PCCB: variants seen among roughly 807,000 people sequenced by gnomAD.
PCCB encodes propionyl-CoA carboxylase beta chain, mitochondrial.
PCCB carries 43 observed loss-of-function variants against 60.7 expected under a neutral mutation model. The observed-to-expected ratio is 0.71, with a 90% CI of 0.55 to 0.91. The LOEUF (loss-of-function observed/expected upper bound fraction) is 0.91. Among genes scored for constraint, PCCB ranks in the 40% least tolerant of loss-of-function variants. The pLI, the probability that PCCB is intolerant of heterozygous loss-of-function variation, is 0.00. For missense variants in PCCB, 766 were observed against 702.8 expected (o/e 1.09, Z -1.02); for synonymous variants, 276 against 255.9 (o/e 1.08, Z -0.75).
At position 136,330,080 on chromosome 3, in the gene PCCB, C is replaced by G; in HGVS notation, c.*54C>G. The stretch of plus-strand genomic sequence containing the variant: ...TGAATTACTGTCTGCCCATTCACAT[C>G]CCATTCCTGCCTTTTGCAATCATGA... On this transcript the variant is annotated 3_prime_UTR_variant, in exon 15 of 15. Transcript: ENST00000251654. The G allele has an allele frequency of 3.1e-6, 5 of 1,612,364 alleles. No homozygotes were observed. The highest frequency in any genetic ancestry group is 4.2e-6 in the Non-Finnish European group (5 of 1,179,058).
chr3:136,262,086 G>T, intron 5 of PCCB, 21 bp downstream of exon 5: 1 of 1,451,228 alleles, frequency 6.9e-7, no homozygotes, highest in Non-Finnish European at 9.5e-7. Flanking sequence ...TGTTAATAGA[G>T]AATAAAAAAA....
chr3:136,301,013 C>CT lies in PCCB; in HGVS notation c.885-11dup. 1.2e-6 allele frequency: 2 copies of CT among 1,610,602 alleles called. No individual in the cohort carries two copies. Among genetic ancestry groups the CT allele is most frequent in the East Asian group, 2.2e-5 (1 of 44,862 alleles). Reference sequence around the variant, plus strand: ...CTCTTCCTATGTTGACTATACCTGCCTTTTTTCTGCCTAAAGTGACCGTCT... The same window carrying CT: ...CTCTTCCTATGTTGACTATACCTGCCTTTTTTTCTGCCTAAAGTGACCGTCT... On this transcript the variant is annotated splice_polypyrimidine_tract_variant and intron_variant, in intron 8 of 14. Transcript: ENST00000251654.
chr3:136,275,446 T>C (rs1296425679), intron 5 of PCCB, among the ~76,000 whole-genome samples: 1 of 152,164 alleles, frequency 6.6e-6, no homozygotes, highest in Admixed American at 6.5e-5. Flanking sequence ...TATTTCGTTT[T>C]AGTTTGGATC....
intron 4 of PCCB, among the ~76,000 whole-genome samples, chr3:136,260,942 T>C (rs1433087999): frequency 1.3e-5 from 2 of 152,216 alleles, no homozygotes; most frequent in African/African-American, 4.8e-5. Flanking sequence ...CGTAAAAATA[T>C]CTGTGGCTTC....
At chr3:136,254,549 A>G in intron 1 of PCCB, among the ~76,000 whole-genome samples, 1 of 23,440 alleles carries the variant, frequency 4.3e-5, no homozygotes, top group Non-Finnish European at 8.3e-5. Context: ...TTTTTTTTTT[A>G]AAAGACAGGT....
At chr3:136,272,507 T>TA (rs1324371494) in intron 5 of PCCB, among the ~76,000 whole-genome samples, 2 of 152,166 alleles carry the variant, frequency 1.3e-5, no homozygotes, top group Admixed American at 1.3e-4. Context: ...TGTTGGCAGT[T>TA]TAAAATTACT....
At position 136,297,904 on chromosome 3, in the gene PCCB, G is replaced by A. The variant is rs1934007941; in HGVS notation, c.764-48G>A. 7 of 1,613,032 alleles carry A rather than the reference G, an allele frequency of 4.3e-6. 1 individual carries two copies. Among genetic ancestry groups the A allele is most frequent in the Middle Eastern group, 3.3e-4 (2 of 6,084 alleles). ...AGTCAGGCATGAAGCAGCAACTTTGGGCTGGCTGGTACCCTGACTCAATCA... is the reference window on the plus strand; with the variant it reads ...AGTCAGGCATGAAGCAGCAACTTTGAGCTGGCTGGTACCCTGACTCAATCA... On this transcript the variant is annotated intron_variant, in intron 7 of 14. Transcript: ENST00000251654.
At chr3:136,312,259 T>C (rs1313074780) in intron 9 of PCCB, among the ~76,000 whole-genome samples, 1 of 152,232 alleles carries the variant, frequency 6.6e-6, no homozygotes, top group Non-Finnish European at 1.5e-5. Context: ...GTATAACCTA[T>C]TACACACCTA....
Position 136,265,300 on chromosome 3 carries a change from A to G in PCCB, c.543+3235A>G, listed in dbSNP as rs544388201. Reference sequence around the variant, plus strand: ...AATTAATTTTTAGAGTTGTACAGCCATAATCTAGTTTTCAAACCTGCCACT... The same window carrying G: ...AATTAATTTTTAGAGTTGTACAGCCGTAATCTAGTTTTCAAACCTGCCACT... On this transcript the variant is annotated intron_variant, in intron 5 of 14. Coordinates refer to ENST00000251654, the MANE Select transcript of PCCB (RefSeq NM_000532.5). 1.5e-4 allele frequency among the ~76,000 whole-genome samples: 23 copies of G among 152,352 alleles called. 1 individual carries two copies. In the South Asian group the frequency reaches 4.6e-3, roughly 30 times the overall value.
At chr3:136,270,739 C>G (rs1398408681) in intron 5 of PCCB, among the ~76,000 whole-genome samples, 1 of 152,176 alleles carries the variant, frequency 6.6e-6, no homozygotes, top group Non-Finnish European at 1.5e-5. Flanking sequence ...CTCCTGGCCT[C>G]AGGTGATCCA....
At chr3:136,253,067 G>A (rs1311889131) in intron 1 of PCCB, among the ~76,000 whole-genome samples, 1 of 140,654 alleles carries the variant, frequency 7.1e-6, no homozygotes, top group African/African-American at 2.7e-5. Context: ...GAGCTTGGGA[G>A]TCCAAGCAAT....
At chr3:136,289,785 T>C in intron 6 of PCCB, among the ~76,000 whole-genome samples, 1 of 144,852 alleles carries the variant, frequency 6.9e-6, no homozygotes, top group South Asian at 2.2e-4. Context: ...ATTAACATGT[T>C]ATACTTTTTT....
chr3:136,257,781 C>G (rs1047891948), intron 3 of PCCB, among the ~76,000 whole-genome samples: 4 of 151,962 alleles, frequency 2.6e-5, no homozygotes, highest in Non-Finnish European at 5.9e-5. Context: ...ACTAAAAACA[C>G]AAAAATTAGC....
chr3:136,326,175 ATT>A, intron 10 of PCCB: 2 of 572,478 alleles, frequency 3.5e-6, no homozygotes, highest in Non-Finnish European at 6.2e-6. Context: ...AAAATTTTTC[ATT>A]TATGTTTTTG....
intron 3 of PCCB, among the ~76,000 whole-genome samples, chr3:136,258,143 G>C (rs549935108): frequency 4.9e-4 from 74 of 152,124 alleles, no homozygotes; most frequent in Non-Finnish European, 3.2e-4. Context: ...AAGAGAGATA[G>C]AACAAAGATG....
In PCCB at chr3:136,303,112, T is replaced by A. The variant is rs931336677; in HGVS notation, c.966+2001T>A. On this transcript the variant is annotated intron_variant, in intron 9 of 14. Coordinates refer to ENST00000251654, the MANE Select transcript of PCCB (RefSeq NM_000532.5). ...AAGTAAATGAATAAAATTTTATCTTTCCAGTTATTTTACATGTCATTTCTT... is the reference window on the plus strand; with the variant it reads ...AAGTAAATGAATAAAATTTTATCTTACCAGTTATTTTACATGTCATTTCTT... Among the ~76,000 whole-genome samples the A allele has an allele frequency of 9.0e-5, 11 of 122,486 alleles. 4 individuals are homozygous for A. The highest frequency in any genetic ancestry group is 1.8e-4 in the Non-Finnish European group (10 of 54,954). The allele number at this position is 122,486 out of a possible 152,430, so 80.4% of individuals were successfully genotyped here.
chr3:136,253,604 C>T (rs992377811), intron 1 of PCCB, among the ~76,000 whole-genome samples: 6 of 151,276 alleles, frequency 4.0e-5, no homozygotes, highest in African/African-American at 1.5e-4. Context: ...AGGCTGGTCT[C>T]TAACTTTTGA....
At position 136,250,383 on chromosome 3, in the gene PCCB, C is replaced by T. The variant is rs373685372; in HGVS notation, c.8C>T (p.Ala3Val). 29 of 1,525,538 alleles carry T rather than the reference C, an allele frequency of 1.9e-5. No individual in the cohort carries two copies. The highest frequency in any genetic ancestry group is 1.7e-4 in the African/African-American group (12 of 72,608). The allele number at this position is 1,525,538 out of a possible 1,614,324, so 94.5% of individuals were successfully genotyped here. The part of the protein sequence containing the change: MA[A>V]ALRVAAVGAR... ...CGCGCCGGCACAGCAAAAATGGCGGCGGCATTACGGGTGGCGGCGGTCGGG... is the reference window on the plus strand; with the variant it reads ...CGCGCCGGCACAGCAAAAATGGCGGTGGCATTACGGGTGGCGGCGGTCGGG... The change falls in exon 1 of 15, where the codon GCG becomes GTG. Residue 3 changes from alanine to valine, a missense_variant. By Grantham distance (64) the Ala-to-Val change is moderately conservative. Transcript: ENST00000251654.
chr3:136,274,012 A>C (rs1363827694), intron 5 of PCCB, among the ~76,000 whole-genome samples: 1 of 149,440 alleles, frequency 6.7e-6, no homozygotes, highest in African/African-American at 2.5e-5. Context: ...TTGAGGTTAT[A>C]TGAATCCTTA....
Sources: allele counts gnomAD v4.1 joint callset (sites outside exome capture counted in the v4.1 genomes callset), GRCh38; gene constraint gnomAD v4.1.1; transcripts MANE v1.5; gene names NCBI Gene and HGNC (gene_info 2026-07-23, HGNC 2026-07-21).